TTF2: variants seen among roughly 807,000 people sequenced by gnomAD.
The protein encoded by TTF2 is transcription termination factor 2, also known as RNA polymerase II termination factor.
A neutral mutation model predicts 142.4 loss-of-function variants in TTF2; 108 were observed. That is an observed-to-expected ratio of 0.76 (90% CI 0.65 to 0.89). TTF2 has a LOEUF of 0.89. Ranked by LOEUF, TTF2 falls within the 40% of genes least tolerant of loss-of-function variation. The pLI is 0.00. For synonymous variants in TTF2, 483 were observed against 506.2 expected (o/e 0.95, Z 0.61); for missense variants, 1,327 against 1,379.8 (o/e 0.96, Z 0.61).
rs1345832796 is a variant in TTF2, at chr1:117,079,549, T to C, written c.1702-19T>C. ...TCATTAGGAATTTATGCTTAGCATT[T>C]GGTTATTACCTTTGTCAGGTCCCTT... On this transcript the variant is annotated intron_variant, in intron 8 of 22. Coordinates refer to ENST00000369466, the MANE Select transcript of TTF2 (RefSeq NM_003594.4). This position sits in a 1 kb window ranked among gnomAD's most constrained non-coding sequence, Gnocchi z 4.2. 1 of 1,613,718 alleles carries C rather than the reference T, an allele frequency of 6.2e-7. No homozygotes were observed. The highest frequency in any genetic ancestry group is 1.1e-5 in the South Asian group (1 of 91,084).
Position 117,099,208 on chromosome 1 carries a change from T to C in TTF2, c.3344+301T>C, listed in dbSNP as rs1649391572. On this transcript the variant is annotated intron_variant, in intron 22 of 22. Coordinates refer to ENST00000369466, the MANE Select transcript of TTF2 (RefSeq NM_003594.4). This position sits in a 1 kb window ranked among gnomAD's most constrained non-coding sequence, Gnocchi z 4.3. ...TTTTATTTTGACATAATTTCAGACA[T>C]ACAGAAAACGTACAAGAATAGTACC... is the stretch of plus-strand genomic sequence containing the variant. Among the ~76,000 whole-genome samples the C allele has an allele frequency of 6.6e-6, 1 of 152,162 alleles. No individual in the cohort carries two copies. The highest frequency in any genetic ancestry group is 1.5e-5 in the Non-Finnish European group (1 of 68,034).
In TTF2 at chr1:117,084,014, CAA is replaced by C; in HGVS notation, c.1904-3_1904-2del. 1.2e-6 allele frequency: 2 copies of C among 1,613,072 alleles called. No homozygotes were observed. The highest frequency in any genetic ancestry group is 1.7e-5 in the Admixed American group (1 of 59,730). ...CTAGGCACTGATTTTTTTCCCTTCTCAAGACTCTTGTGACTTTACTTCCCATG... is the reference window on the plus strand; with the variant it reads ...CTAGGCACTGATTTTTTTCCCTTCTCGACTCTTGTGACTTTACTTCCCATG... On this transcript the variant is annotated splice_acceptor_variant and splice_polypyrimidine_tract_variant and intron_variant, in intron 10 of 22. Coordinates refer to ENST00000369466, the MANE Select transcript of TTF2 (RefSeq NM_003594.4). LOFTEE classifies it high-confidence loss of function.
chr1:117,065,988 C>CTTTTT (rs544726052), intron 3 of TTF2, among the ~76,000 whole-genome samples: 15 of 97,978 alleles, frequency 1.5e-4, no homozygotes, highest in African/African-American at 3.8e-4. Context: ...CACTATATAC[C>CTTTTT]TTTTTTTTTT....
chr1:117,082,065 AC>A, intron 10 of TTF2, 118 bp downstream of exon 10: 1 of 1,421,334 alleles, frequency 7.0e-7, no homozygotes, highest in Middle Eastern at 1.7e-4. Context: ...CTACTGGAAA[AC>A]CAGTATTAGA....
rs753344258 is a variant in TTF2, at chr1:117,062,432, G to C, written c.177G>C (p.Glu59Asp). The change falls in exon 3 of 23, where the codon GAG becomes GAC. Residue 59 changes from glutamate (E) to aspartate (D), a missense_variant. Coordinates refer to ENST00000369466, the MANE Select transcript of TTF2 (RefSeq NM_003594.4). ...HCLLHEDFVV[E>D]LQGLLLPQDK... The stretch of plus-strand genomic sequence containing the variant: ...TATTGCATGAGGACTTTGTGGTAGA[G>C]CTTCAGGGTTTGCTTCTGCCACAGG... The C allele has an allele frequency of 1.1e-5, 17 of 1,612,864 alleles. No individual in the cohort carries two copies. The highest frequency in any genetic ancestry group is 1.3e-5 in the Non-Finnish European group (15 of 1,179,832).
At position 117,100,883 on chromosome 1, in the gene TTF2, T is replaced by TC. The variant is rs1481871651; in HGVS notation, c.3345-495dup. 3.9e-5 allele frequency among the ~76,000 whole-genome samples: 6 copies of TC among 152,336 alleles called. No individual in the cohort carries two copies. The highest frequency in any genetic ancestry group is 1.4e-4 in the African/African-American group (6 of 41,574). On this transcript the variant is annotated intron_variant, in intron 22 of 22. Transcript: ENST00000369466. This position sits in a 1 kb window ranked among gnomAD's most constrained non-coding sequence, Gnocchi z 4.6. ...TTTGGAGCAAGACTATATTCATCTC[T>TC]CCATCCCCACACCTAGCATAGTGTA...
At chr1:117,091,214 C>T (rs749343500) in intron 15 of TTF2, 114 bp from the exon 16 acceptor site, 52 of 783,436 alleles carry the variant, frequency 6.6e-5, no homozygotes, top group South Asian at 5.8e-4. Flanking sequence ...TTCTTATGAG[C>T]TTGGCATCAT....
Position 117,100,581 on chromosome 1 carries a change from G to A in TTF2, c.3345-799G>A, listed in dbSNP as rs1649508264. ...AGCTTTTGCCATTGTGGACAACATG[G>A]TCAATGTGAACTTCCTCCAATACAC... On this transcript the variant is annotated intron_variant, in intron 22 of 22. Transcript: ENST00000369466. This position sits in a 1 kb window ranked among gnomAD's most constrained non-coding sequence, Gnocchi z 4.6. Among the ~76,000 whole-genome samples the A allele has an allele frequency of 6.6e-6, 1 of 152,148 alleles. No homozygotes were observed. The highest frequency in any genetic ancestry group is 2.4e-5 in the African/African-American group (1 of 41,430).
In TTF2 at chr1:117,097,326, G is replaced by C; in HGVS notation, c.3187-25G>C. ...TGTTACGAGACCAAGTCTGTTTAAA[G>C]TTAATGTTGTGTTTCCTTTTGAAGG... On this transcript the variant is annotated intron_variant, in intron 20 of 22. Coordinates refer to ENST00000369466, the MANE Select transcript of TTF2 (RefSeq NM_003594.4). This position sits in a 1 kb window ranked among gnomAD's most constrained non-coding sequence, Gnocchi z 4.1. 6.2e-7 allele frequency: 1 copy of C among 1,611,302 alleles called. No homozygotes were observed. Among genetic ancestry groups the C allele is most frequent in the Non-Finnish European group, 8.5e-7 (1 of 1,177,440 alleles).
chr1:117,103,986 A>C lies in TTF2; in HGVS notation c.*2462A>C, dbSNP rs986100284. ...AAAAAAAAAAAAGAGAGAGAAAAAA[A>C]TCCTTACTTTCTCTACACTCTGATT... On this transcript the variant is annotated 3_prime_UTR_variant, in exon 23 of 23. Transcript: ENST00000369466. The C allele has an allele frequency of 6.6e-6, 1 of 151,728 alleles. No homozygotes were observed. The highest frequency in any genetic ancestry group is 2.4e-5 in the African/African-American group (1 of 41,332). The allele number at this position is 151,728 out of a possible 1,614,324, so 9.4% of individuals were successfully genotyped here.
In TTF2 at chr1:117,090,199, C is replaced by A; in HGVS notation, c.2487C>A (p.Gly829=). 6.2e-7 allele frequency: 1 copy of A among 1,613,784 alleles called. No individual in the cohort carries two copies. Among genetic ancestry groups the A allele is most frequent in the Non-Finnish European group, 8.5e-7 (1 of 1,179,826 alleles). The change falls in exon 14 of 23, where the codon GGC becomes GGA. Residue 829 remains glycine (G), a synonymous_variant. Transcript: ENST00000369466. The surrounding 1 kb of genome is among the most constrained non-coding windows in gnomAD (Gnocchi z 4.8). Reference sequence around the variant, plus strand: ...CAAAAGACCAGCTGGACTCTACTGGCAGACCTTTGGTAATCAAGTTTGTAC... The same window carrying A: ...CAAAAGACCAGCTGGACTCTACTGGAAGACCTTTGGTAATCAAGTTTGTAC... ...RRTKDQLDST[G]RPLVILPQRK...
In TTF2 at chr1:117,104,717, C is replaced by G. The variant is rs1260893132; in HGVS notation, c.*3193C>G. On this transcript the variant is annotated 3_prime_UTR_variant, in exon 23 of 23. Coordinates refer to ENST00000369466, the MANE Select transcript of TTF2 (RefSeq NM_003594.4). ...TATACTAAACATGCATTCTTAAATC[C>G]TAGTGCTGGGATGGATTACATGAAT... is the stretch of plus-strand genomic sequence containing the variant. 6.6e-6 allele frequency: 1 copy of G among 152,154 alleles called. No homozygotes were observed. The highest frequency in any genetic ancestry group is 1.5e-5 in the Non-Finnish European group (1 of 68,032). 9.4% of individuals were successfully genotyped at this position (152,154 alleles called of 1,614,324 possible). A position where few individuals can be genotyped will look rare whatever the true frequency, so the allele number is the denominator to read the frequency against.
intron 3 of TTF2, among the ~76,000 whole-genome samples, chr1:117,068,070 G>C (rs1357377880): frequency 1.3e-5 from 2 of 152,202 alleles, no homozygotes; most frequent in South Asian, 2.1e-4. Flanking sequence ...AAGAAATCTT[G>C]CCTTGACATG....
intron 4 of TTF2, among the ~76,000 whole-genome samples, chr1:117,074,148 G>A (rs879866493): frequency 3.2e-4 from 49 of 152,166 alleles, no homozygotes; most frequent in African/African-American, 1.1e-3. Context: ...TATTCAGTAC[G>A]TGAGGAACTA....
At chr1:117,082,782 G>C (rs1332870870) in intron 10 of TTF2, among the ~76,000 whole-genome samples, 1 of 152,088 alleles carries the variant, frequency 6.6e-6, no homozygotes, top group African/African-American at 2.4e-5. Flanking sequence ...TTGAGCCTGG[G>C]AGCTTGAGGC....
At chr1:117,060,944 C>T (rs968523769) in intron 2 of TTF2, among the ~76,000 whole-genome samples, 2 of 152,160 alleles carry the variant, frequency 1.3e-5, no homozygotes, top group Non-Finnish European at 2.9e-5. Flanking sequence ...AATAATTTGT[C>T]CCTGTTTTGC....
intron 4 of TTF2, 139 bp from the exon 5 acceptor site, chr1:117,074,731 T>G (rs1221148708): frequency 8.0e-6 from 6 of 754,668 alleles, no homozygotes; most frequent in South Asian, 4.5e-5. Context: ...GCTCACTGCC[T>G]GAGTGCAATA....
chr1:117,082,459 TG>T (rs778533503), intron 10 of TTF2, among the ~76,000 whole-genome samples: 8 of 152,196 alleles, frequency 5.3e-5, no homozygotes, highest in Non-Finnish European at 1.0e-4. Context: ...GCAATCATCC[TG>T]CCTCAGCCTT....
In TTF2 at chr1:117,075,076, T is replaced by C; in HGVS notation, c.492T>C (p.Asp164=). 6.2e-7 allele frequency: 1 copy of C among 1,613,700 alleles called. No homozygotes were observed. The highest frequency in any genetic ancestry group is 8.5e-7 in the Non-Finnish European group (1 of 1,179,956). ...KQREKGDQLF[D]QKKEQKPEMM... ...GAGAAAAGGGAGATCAGCTTTTCGATCAAAAGAAAGAACAGAAGCCTGAAA... is the reference window on the plus strand; with the variant it reads ...GAGAAAAGGGAGATCAGCTTTTCGACCAAAAGAAAGAACAGAAGCCTGAAA... The change falls in exon 5 of 23, where the codon GAT becomes GAC. Residue 164 remains aspartate (D), a synonymous_variant. Coordinates refer to ENST00000369466, the MANE Select transcript of TTF2 (RefSeq NM_003594.4). The surrounding 1 kb of genome is among the most constrained non-coding windows in gnomAD (Gnocchi z 4.5).
Sources: gnomAD v4.1 joint callset for allele counts (sites outside exome capture counted in the v4.1 genomes callset) on GRCh38, gnomAD v4.1.1 for gene constraint, Gnocchi (gnomAD v3.1) non-coding constraint, MANE v1.5 for transcripts, NCBI Gene and HGNC (gene_info 2026-07-23, HGNC 2026-07-21) for gene names.